Variants in LRRN1 observed in about 807,000 individuals in gnomAD.
LRRN1 encodes the protein leucine-rich repeat neuronal protein 1.
A neutral mutation model predicts 45.8 loss-of-function variants in LRRN1; 14 were observed. The ratio of observed to expected loss-of-function variants is 0.31; its 90% CI spans 0.20 to 0.48. The LOEUF is 0.48. Among genes scored for constraint, LRRN1 ranks in the 20% least tolerant of loss-of-function variants. LRRN1 has a pLI of 0.99. For synonymous variants in LRRN1, 359 were observed against 330.1 expected (o/e 1.09, Z -0.95); for missense variants, 789 against 874.2 (o/e 0.90, Z 1.23).
chr3:3,840,337 G>A (rs1189906956), intron 1 of LRRN1, among the ~76,000 whole-genome samples: 2 of 152,112 alleles, frequency 1.3e-5, no homozygotes. Context: ...ACTTGTTCAT[G>A]GTATATAATC....
rs73131014 is a variant in LRRN1, at chr3:3,817,143, C to T, written c.-279+17224C>T. Among the ~76,000 whole-genome samples, 412 of 152,262 alleles carry T rather than the reference C, an allele frequency of 2.7e-3. 1 individual carries two copies. Among genetic ancestry groups the T allele is most frequent in the African/African-American group, 9.7e-3 (403 of 41,564 alleles). On this transcript the variant is annotated intron_variant, in intron 1 of 1. Transcript: ENST00000319331. ...TTCACAGTTTCTGTTTTGTATTCTG[C>T]TCCCCATCCCTGTCTTTGGCCACTT...
chr3:3,806,505 G>A (rs1472175152), intron 1 of LRRN1, among the ~76,000 whole-genome samples: 2 of 152,322 alleles, frequency 1.3e-5, no homozygotes, highest in East Asian at 3.9e-4. Context: ...CCTTAAGTTT[G>A]TCAAGAACTT....
At chr3:3,844,072 G>A (rs1303609517) in intron 1 of LRRN1, among the ~76,000 whole-genome samples, 2 of 151,964 alleles carry the variant, frequency 1.3e-5, no homozygotes, top group Non-Finnish European at 2.9e-5. Flanking sequence ...CATGTTTAGT[G>A]ACTTTACATG....
At chr3:3,800,876 G>A (rs944589273) in intron 1 of LRRN1, 1 of 152,408 alleles carries the variant, frequency 6.6e-6, no homozygotes. Context: ...GGTCAGAAGC[G>A]AGGAAAGTTT....
At chr3:3,840,469 A>C (rs1300855295) in intron 1 of LRRN1, among the ~76,000 whole-genome samples, 4 of 152,218 alleles carry the variant, frequency 2.6e-5, no homozygotes, top group Admixed American at 1.3e-4. Flanking sequence ...AATGCCATAC[A>C]TTGTAAACAT....
At chr3:3,803,698 A>G (rs1439581163) in intron 1 of LRRN1, among the ~76,000 whole-genome samples, 1 of 152,198 alleles carries the variant, frequency 6.6e-6, no homozygotes, top group East Asian at 1.9e-4. Flanking sequence ...TGAAGTCAGA[A>G]AAACATTTAT....
At position 3,816,969 on chromosome 3, in the gene LRRN1, T is replaced by C. The variant is rs1016587174; in HGVS notation, c.-279+17050T>C. On this transcript the variant is annotated intron_variant, in intron 1 of 1. Transcript: ENST00000319331. This position sits in a 1 kb window ranked among gnomAD's most constrained non-coding sequence, Gnocchi z 4.0. ...ATAGGATGGGTGATTGATTGATTGA[T>C]TGATAAGATAGATAAGATACGATAG... Among the ~76,000 whole-genome samples the C allele has an allele frequency of 6.6e-6, 1 of 152,126 alleles. No homozygotes were observed. The highest frequency in any genetic ancestry group is 1.5e-5 in the Non-Finnish European group (1 of 68,020).
chr3:3,802,662 A>C (rs1376178561), intron 1 of LRRN1, among the ~76,000 whole-genome samples: 1 of 152,236 alleles, frequency 6.6e-6, no homozygotes, highest in Admixed American at 6.5e-5. Flanking sequence ...AAAATGTTAT[A>C]GCCAAGTTTG....
intron 1 of LRRN1, among the ~76,000 whole-genome samples, chr3:3,809,020 T>C (rs1013380120): frequency 1.3e-5 from 2 of 152,194 alleles, no homozygotes; most frequent in Admixed American, 1.3e-4. Flanking sequence ...AATTTAGGTG[T>C]CTAAAAATTG....
chr3:3,826,542 AT>A (rs981192112), intron 1 of LRRN1, among the ~76,000 whole-genome samples: 6 of 152,040 alleles, frequency 3.9e-5, no homozygotes, highest in Non-Finnish European at 8.8e-5. Flanking sequence ...ACAGTTCCTT[AT>A]GCAAAAGAGC....
rs866289196 is a variant in LRRN1, at chr3:3,845,875, G to A, written c.1234G>A (p.Glu412Lys). 6.2e-7 allele frequency: 1 copy of A among 1,614,062 alleles called. No individual in the cohort carries two copies. Among genetic ancestry groups the A allele is most frequent in the African/African-American group, 1.3e-5 (1 of 74,998 alleles). The stretch of plus-strand genomic sequence containing the variant: ...CGAATATAAAGGGCACCAGGTGAAG[G>A]AAGTTTTAATCCAGGATTCGAGTGA... The part of the protein sequence containing the change: ...PPEYKGHQVK[E>K]VLIQDSSEQC... The change falls in exon 2 of 2, where the codon GAA (glutamate) becomes AAA (lysine). Residue 412 changes from glutamate (E) to lysine (K), a missense_variant. Coordinates refer to ENST00000319331, the MANE Select transcript of LRRN1 (RefSeq NM_020873.7). The surrounding 1 kb of genome is among the most constrained non-coding windows in gnomAD (Gnocchi z 6.5).
intron 1 of LRRN1, among the ~76,000 whole-genome samples, chr3:3,805,961 C>T (rs1022793966): frequency 6.6e-6 from 1 of 152,172 alleles, no homozygotes; most frequent in Non-Finnish European, 1.5e-5. Flanking sequence ...CATTCTCCTA[C>T]AAGTATTTAT....
Position 3,831,435 on chromosome 3 carries a change from A to G in LRRN1, c.-278-12929A>G, listed in dbSNP as rs377506412. The stretch of plus-strand genomic sequence containing the variant: ...CCATTGTGTTTGCTACTTCTTGCTC[A>G]GTGGATCCAATCAGCATACTGTCAT... On this transcript the variant is annotated intron_variant, in intron 1 of 1. Transcript: ENST00000319331. 9.2e-5 allele frequency among the ~76,000 whole-genome samples: 14 copies of G among 152,376 alleles called. 1 individual carries two copies. The highest frequency in any genetic ancestry group is 3.9e-4 in the East Asian group (2 of 5,182).
At chr3:3,801,619 C>T (rs563890572) in intron 1 of LRRN1, among the ~76,000 whole-genome samples, 1 of 152,302 alleles carries the variant, frequency 6.6e-6, no homozygotes, top group Admixed American at 6.5e-5. Flanking sequence ...GACAAGGAGT[C>T]TTCAGTTAAC....
chr3:3,806,807 G>A lies in LRRN1; in HGVS notation c.-279+6888G>A, dbSNP rs1692770795. Among the ~76,000 whole-genome samples the A allele has an allele frequency of 2.0e-5, 3 of 152,326 alleles. 1 individual carries two copies. The South Asian group carries it at 6.2e-4, about 32-fold the overall frequency. ...TTTCCCCAGTAACTGAGGGACAAGA[G>A]TCATGGAGAGGTTCATTGTGACTGT... is the stretch of plus-strand genomic sequence containing the variant. On this transcript the variant is annotated intron_variant, in intron 1 of 1. Transcript: ENST00000319331.
intron 1 of LRRN1, among the ~76,000 whole-genome samples, chr3:3,817,398 G>A (rs1439403231): frequency 2.6e-5 from 4 of 152,192 alleles, no homozygotes; most frequent in African/African-American, 9.7e-5. Context: ...CATTCAATGT[G>A]GTTGAGTTCT....
chr3:3,822,041 G>C (rs1693115782), intron 1 of LRRN1, among the ~76,000 whole-genome samples: 1 of 152,154 alleles, frequency 6.6e-6, no homozygotes, highest in Non-Finnish European at 1.5e-5. Flanking sequence ...GATGCGATTT[G>C]GGTTCTGGCA....
At chr3:3,827,073 A>C (rs1460000147) in intron 1 of LRRN1, among the ~76,000 whole-genome samples, 1 of 152,164 alleles carries the variant, frequency 6.6e-6, no homozygotes, top group Non-Finnish European at 1.5e-5. Flanking sequence ...CAATCCTGTA[A>C]ATAATAGTAG....
At chr3:3,836,406 G>A (rs1160079053) in intron 1 of LRRN1, among the ~76,000 whole-genome samples, 3 of 152,084 alleles carry the variant, frequency 2.0e-5, no homozygotes, top group African/African-American at 7.2e-5. Flanking sequence ...TATGATTTTG[G>A]CTACTTTATA....
Sources: allele counts gnomAD v4.1 joint callset (sites outside exome capture counted in the v4.1 genomes callset), GRCh38; gene constraint gnomAD v4.1.1; non-coding constraint Gnocchi (gnomAD v3.1); transcripts MANE v1.5; gene names NCBI Gene and HGNC (gene_info 2026-07-23, HGNC 2026-07-21).